NUMA1: variants seen among roughly 807,000 people sequenced by gnomAD.
NUMA1 encodes the protein nuclear mitotic apparatus protein 1.
A neutral mutation model predicts 237.1 loss-of-function variants in NUMA1; 62 were observed. The observed-to-expected ratio is 0.26, with a 90% CI of 0.21 to 0.32. The LOEUF (loss-of-function observed/expected upper bound fraction) is 0.32. Among genes scored for constraint, NUMA1 ranks in the 10% least tolerant of loss-of-function variants. The pLI is 1.00. For missense variants in NUMA1, 2,533 were observed against 2,666.5 expected (o/e 0.95, Z 1.10); for synonymous variants, 1,028 against 1,066.1 (o/e 0.96, Z 0.70).
Position 72,014,882 on chromosome 11 carries a change from A to C in NUMA1, c.2621T>G (p.Leu874Arg). The change falls in exon 15 of 27, where the codon CTA becomes CGA. Residue 874 changes from leucine (L) to arginine (R), a missense_variant. This residue lies in a region of NUMA1 where 1,414 missense variants were observed against 1,508.1 expected (regional missense o/e 0.94). Transcript: ENST00000393695. The surrounding 1 kb of genome is among the most constrained non-coding windows in gnomAD (Gnocchi z 4.6). The part of the protein sequence containing the change: ...ELQISRQQNE[L>R]AELHANLARA... ...GGCCAGGTTGGCATGGAGCTCAGCT[A>C]GTTCGTTCTGCTGCCGGCTTATCTG... 1 of 1,614,166 alleles carries C rather than the reference A, an allele frequency of 6.2e-7. No individual in the cohort carries two copies. Among genetic ancestry groups the C allele is most frequent in the Non-Finnish European group, 8.5e-7 (1 of 1,180,032 alleles).
intron 4 of NUMA1, among the ~76,000 whole-genome samples, chr11:72,026,345 G>C (rs1387700492): frequency 6.6e-6 from 1 of 152,242 alleles, no homozygotes; most frequent in Non-Finnish European, 1.5e-5. Context: ...AATAAAGTAG[G>C]TGCTCAATAC....
intron 2 of NUMA1, among the ~76,000 whole-genome samples, chr11:72,060,128 T>C (rs1176797656): frequency 1.3e-5 from 2 of 152,286 alleles, no homozygotes; most frequent in East Asian, 3.9e-4. Flanking sequence ...ACTAGGCCTC[T>C]TTCTGTCAAG....
chr11:72,029,098 CCT>C (rs1344775382), intron 4 of NUMA1, 105 bp downstream of exon 4: 5 of 763,020 alleles, frequency 6.6e-6, no homozygotes, highest in African/African-American at 3.5e-5. Context: ...CAATCCTTCC[CCT>C]GATTTCTGGT....
intron 3 of NUMA1, among the ~76,000 whole-genome samples, chr11:72,032,217 C>T (rs371979412): frequency 6.6e-6 from 1 of 151,842 alleles, no homozygotes; most frequent in Non-Finnish European, 1.5e-5. Flanking sequence ...TTTTTTTTAA[C>T]GTGAAATAAA....
At chr11:72,080,366 C>A (rs1265783686) in intron 1 of NUMA1, 92 bp downstream of exon 1, 2 of 151,156 alleles carry the variant, frequency 1.3e-5, no homozygotes, top group Non-Finnish European at 2.9e-5. Flanking sequence ...GGAGGCCTTC[C>A]GCTCGCAGCG....
At chr11:72,008,895 G>A (rs1171094100) in intron 19 of NUMA1, 50 bp from the exon 20 acceptor site, 2 of 1,612,986 alleles carry the variant, frequency 1.2e-6, no homozygotes, top group African/African-American at 2.7e-5. Context: ...TAAGGCAGCA[G>A]TGGCCTAGGA....
chr11:72,025,028 G>A (rs1466441003), intron 4 of NUMA1, among the ~76,000 whole-genome samples: 1 of 152,136 alleles, frequency 6.6e-6, no homozygotes, highest in Non-Finnish European at 1.5e-5. Context: ...CTCCCAAGTA[G>A]CTGGGATTAC....
intron 4 of NUMA1, among the ~76,000 whole-genome samples, chr11:72,028,877 A>C (rs1445517588): frequency 6.6e-6 from 1 of 152,232 alleles, no homozygotes; most frequent in Non-Finnish European, 1.5e-5. Flanking sequence ...GGAGGGTTGT[A>C]GAAGCCTTCT....
At chr11:72,079,915 A>AT (rs1363451197) in intron 1 of NUMA1, among the ~76,000 whole-genome samples, 3 of 152,024 alleles carry the variant, frequency 2.0e-5, no homozygotes, top group Non-Finnish European at 1.5e-5. Context: ...CCCCGTCCCC[A>AT]TTTATGCCCA....
At chr11:72,022,530 C>T (rs1590945712) in intron 6 of NUMA1, 111 bp from the exon 7 acceptor site, 1 of 681,754 alleles carries the variant, frequency 1.5e-6, no homozygotes, top group East Asian at 2.7e-5. Flanking sequence ...TTCTAAAAGT[C>T]CTGGAATTCA....
In NUMA1 at chr11:72,006,068, AACG is replaced by A. The variant is rs1490867400; in HGVS notation, c.5656_5658del (p.Arg1886del). 1.2e-6 allele frequency: 2 copies of A among 1,613,558 alleles called. No individual in the cohort carries two copies. The highest frequency in any genetic ancestry group is 1.7e-6 in the Non-Finnish European group (2 of 1,179,594). On this transcript the variant is annotated inframe_deletion, in exon 22 of 27. Transcript: ENST00000393695. ...GCCCCACTGGACACCCCGGCCTGGG[AACG>A]ACGAGCAGAACTGCGAGTGGTGGGG...
Position 72,029,216 on chromosome 11 carries a change from G to C in NUMA1, c.117C>G (p.Ile39Met), listed in dbSNP as rs1939977619. The C allele has an allele frequency of 1.2e-6, 2 of 1,611,018 alleles. No homozygotes were observed. Among genetic ancestry groups the C allele is most frequent in the Non-Finnish European group, 1.7e-6 (2 of 1,179,234 alleles). The change falls in exon 4 of 27, where the codon ATC (isoleucine) becomes ATG (methionine). Residue 39 changes from isoleucine to methionine, a missense_variant. Transcript: ENST00000393695. ...QLQDCSIFIK[I>M]IDRIHGTEEG... Reference sequence around the variant, plus strand: ...TGGTGCGTACTCACATTCTGTCAATGATCTTGATGAAGATGCTGCAGTCCT... The same window carrying C: ...TGGTGCGTACTCACATTCTGTCAATCATCTTGATGAAGATGCTGCAGTCCT...
rs1369683159 is a variant in NUMA1 at position 72,004,161 on chromosome 11, G to A, written c.6124-62C>T. The A allele has an allele frequency of 2.0e-5, 32 of 1,602,978 alleles. 1 individual carries two copies. The highest frequency in any genetic ancestry group is 2.6e-5 in the Non-Finnish European group (31 of 1,172,482). Reference sequence around the variant, plus strand: ...CTGCCTTCCCAGGCCAGCGTGCTGTGCCACGCTCTATCAGCAAGGTCCCGC... The same window carrying A: ...CTGCCTTCCCAGGCCAGCGTGCTGTACCACGCTCTATCAGCAAGGTCCCGC... On this transcript the variant is annotated intron_variant, in intron 25 of 26. Transcript: ENST00000393695.
At chr11:72,019,737 G>A (rs939282683) in intron 8 of NUMA1, 120 bp from the exon 9 acceptor site, 3 of 1,098,304 alleles carry the variant, frequency 2.7e-6, no homozygotes, top group African/African-American at 1.6e-5. Context: ...ATACTTATAT[G>A]TAAACTACCA....
chr11:72,003,292 A>G lies in NUMA1; in HGVS notation c.*235T>C. 1.8e-6 allele frequency: 1 copy of G among 552,254 alleles called. No individual in the cohort carries two copies. Among genetic ancestry groups the G allele is most frequent in the South Asian group, 2.5e-5 (1 of 39,372 alleles). 34.2% of individuals were successfully genotyped at this position (552,254 alleles called of 1,614,324 possible). On this transcript the variant is annotated 3_prime_UTR_variant, in exon 27 of 27. Transcript: ENST00000393695. ...ACTTTGCTTTAAGAAAAAAGGAGGC[A>G]AGGTAGGGAGAGCGCCCACACTGTC... is the stretch of plus-strand genomic sequence containing the variant.
At position 72,016,137 on chromosome 11, in the gene NUMA1, G is replaced by A; in HGVS notation, c.1366C>T (p.His456Tyr). 1 of 1,614,042 alleles carries A rather than the reference G, an allele frequency of 6.2e-7. No homozygotes were observed. The highest frequency in any genetic ancestry group is 8.5e-7 in the Non-Finnish European group (1 of 1,179,982). Residue 456 changes from histidine (H) to tyrosine (Y), a missense_variant, in exon 15 of 27, where the codon CAC becomes TAC. This residue lies in a region of NUMA1 where 1,414 missense variants were observed against 1,508.1 expected (regional missense o/e 0.94). Transcript: ENST00000393695. ...AGCTGCTGCTTTTCTTCTTCGAAGT[G>A]GCCCCGCTCAGCAAGCAGCTTGGCT... ...QEAKLLAERG[H>Y]FEEEKQQLSS...
Position 72,009,020 on chromosome 11 carries a change from C to G in NUMA1, c.5005G>C (p.Ala1669Pro). The part of the protein sequence containing the change: ...LQQAGLKTKE[A>P]EQTCRHLTAQ... ...GTAAGGTGGCGGCAGGTCTGTTCAG[C>G]CTCCTTGGTCTTCAGCCCAGCCTGC... The change falls in exon 19 of 27, where the codon GCT becomes CCT. Residue 1669 changes from alanine (A) to proline (P), a missense_variant. Coordinates refer to ENST00000393695, the MANE Select transcript of NUMA1 (RefSeq NM_006185.4). 6.2e-7 allele frequency: 1 copy of G among 1,613,822 alleles called. No individual in the cohort carries two copies. Among genetic ancestry groups the G allele is most frequent in the Non-Finnish European group, 8.5e-7 (1 of 1,180,028 alleles).
intron 2 of NUMA1, among the ~76,000 whole-genome samples, chr11:72,061,441 A>G (rs1201286587): frequency 1.3e-5 from 2 of 151,912 alleles, no homozygotes; most frequent in African/African-American, 4.8e-5. Flanking sequence ...TTGCAACACT[A>G]AAAGATTTTC....
rs1381142480 is a variant in NUMA1, at chr11:72,019,483, C to T, written c.584+11G>A. 1.2e-6 allele frequency: 2 copies of T among 1,611,948 alleles called. No homozygotes were observed. The highest frequency in any genetic ancestry group is 8.5e-7 in the Non-Finnish European group (1 of 1,178,894). On this transcript the variant is annotated intron_variant, in intron 9 of 26. Coordinates refer to ENST00000393695, the MANE Select transcript of NUMA1 (RefSeq NM_006185.4). ...GAGGCCCTATCCCAGGAGGAGAGGC[C>T]CAGAACATACTTGTTCCCACTGGAA... is the stretch of plus-strand genomic sequence containing the variant.
Sources: allele counts gnomAD v4.1 joint callset (sites outside exome capture counted in the v4.1 genomes callset), GRCh38; gene constraint gnomAD v4.1.1; regional missense constraint gnomAD v4.1.1; non-coding constraint Gnocchi (gnomAD v3.1); transcripts MANE v1.5; gene names NCBI Gene and HGNC (gene_info 2026-07-23, HGNC 2026-07-21).